The following STARD13 variants were observed in gnomAD, a reference collection of about 807,000 sequenced individuals.
STARD13 encodes stAR-related lipid transfer protein 13.
A neutral mutation model predicts 106.4 loss-of-function variants in STARD13; 62 were observed. The ratio of observed to expected loss-of-function variants is 0.58; its 90% CI spans 0.48 to 0.72. The LOEUF (loss-of-function observed/expected upper bound fraction) is 0.72. Among genes scored for constraint, STARD13 ranks in the 30% least tolerant of loss-of-function variants. The probability of loss-of-function intolerance (pLI) is 0.00; values close to 1 mark genes in which losing one functional copy is unlikely to be tolerated. For synonymous variants in STARD13, 565 were observed against 553.0 expected (o/e 1.02, Z -0.31); for missense variants, 1,387 against 1,424.0 (o/e 0.97, Z 0.42).
intron 1 of STARD13, among the ~76,000 whole-genome samples, chr13:33,176,567 G>A (rs568054327): frequency 6.6e-6 from 1 of 152,256 alleles, no homozygotes; most frequent in South Asian, 2.1e-4. Flanking sequence ...TTTATTTGCA[G>A]TTTGTTAATA....
At chr13:33,451,285 T>C in the STARD13 span, among the ~76,000 whole-genome samples, 1 of 152,196 alleles carries the variant, frequency 6.6e-6, no homozygotes, top group East Asian at 1.9e-4. Flanking sequence ...TACTTTACTA[T>C]GTTAATGAGT....
At chr13:33,253,927 TG>T (rs1230796792) in intron 1 of STARD13, among the ~76,000 whole-genome samples, 1 of 152,210 alleles carries the variant, frequency 6.6e-6, no homozygotes, top group African/African-American at 2.4e-5. Context: ...CCACAGACCA[TG>T]GGGGAACACC....
intron 8 of STARD13, 116 bp downstream of exon 8, chr13:33,117,949 T>C: frequency 1.3e-6 from 2 of 1,524,992 alleles, no homozygotes; most frequent in Non-Finnish European, 1.8e-6. Context: ...CAGGATTACA[T>C]ACATCTTTAT....
intron 1 of STARD13, among the ~76,000 whole-genome samples, chr13:33,207,244 T>G (rs2858126): frequency 0.26 from 39,931 of 152,070 alleles, 5,698 homozygotes; most frequent in Middle Eastern, 0.37. Context: ...GAATACGAAG[T>G]AAGCATAGGG....
chr13:33,341,067 A>T (rs1183261737), intron 1 of STARD13, among the ~76,000 whole-genome samples: 1 of 152,208 alleles, frequency 6.6e-6, no homozygotes, highest in African/African-American at 2.4e-5. Flanking sequence ...ACTCTGAAAA[A>T]AGCCCAGAAA....
Position 33,329,802 on chromosome 13 carries a change from C to T in STARD13, c.124+20488G>A, listed in dbSNP as rs577067341. ...CACTGCAACCTCCACCTCCCGGGTCCCAGTGATTCTCCTGCCTCAGCCTCC... is the reference window on the plus strand; with the variant it reads ...CACTGCAACCTCCACCTCCCGGGTCTCAGTGATTCTCCTGCCTCAGCCTCC... On this transcript the variant is annotated intron_variant, in intron 1 of 5. Transcript: ENST00000567873. 1.1e-3 allele frequency among the ~76,000 whole-genome samples: 162 copies of T among 151,864 alleles called. 1 individual carries two copies. The highest frequency in any genetic ancestry group is 3.8e-3 in the African/African-American group (157 of 41,402).
chr13:33,535,053 A>G, the STARD13 span, among the ~76,000 whole-genome samples: 1 of 152,074 alleles, frequency 6.6e-6, no homozygotes, highest in African/African-American at 2.4e-5. Context: ...CATCTCTATT[A>G]AAAATACAAA....
chr13:33,175,102 A>G (rs1460998258), intron 1 of STARD13, among the ~76,000 whole-genome samples: 2 of 152,218 alleles, frequency 1.3e-5, no homozygotes, highest in African/African-American at 4.8e-5. Flanking sequence ...TGAGAGAAAA[A>G]GAAAGCAGAA....
chr13:33,209,781 G>C (rs1256137899), intron 1 of STARD13, among the ~76,000 whole-genome samples: 2 of 151,746 alleles, frequency 1.3e-5, no homozygotes, highest in African/African-American at 4.8e-5. Flanking sequence ...GACCAACCTA[G>C]GCAACACAGA....
the STARD13 span, among the ~76,000 whole-genome samples, chr13:33,595,264 G>A: frequency 2.6e-5 from 4 of 152,058 alleles, no homozygotes; most frequent in Admixed American, 6.6e-5. Flanking sequence ...GTTGAAGTTT[G>A]GGCAAATAAA....
chr13:33,660,232 A>G, the STARD13 span, among the ~76,000 whole-genome samples: 1 of 152,234 alleles, frequency 6.6e-6, no homozygotes, highest in Middle Eastern at 3.4e-3. Context: ...TTTTTATGTC[A>G]ATGACAGTAA....
In STARD13 at chr13:33,307,645, G is replaced by A. The variant is rs185695687; in HGVS notation, c.124+42645C>T. On this transcript the variant is annotated intron_variant, in intron 1 of 5. Transcript: ENST00000567873. ...GACACAGGGAGGGAAACAACACACC[G>A]GGGCCTGTCAGGGAGTTGGGGAGAG... 3.5e-4 allele frequency among the ~76,000 whole-genome samples: 54 copies of A among 152,202 alleles called. 1 individual carries two copies. Among genetic ancestry groups the A allele is most frequent in the African/African-American group, 3.9e-4 (16 of 41,536 alleles).
At chr13:33,235,337 G>A (rs1353589643) in intron 1 of STARD13, among the ~76,000 whole-genome samples, 1 of 152,148 alleles carries the variant, frequency 6.6e-6, no homozygotes, top group Non-Finnish European at 1.5e-5. Context: ...ATAAAAAGCA[G>A]GTGCTATGTG....
At chr13:33,629,576 A>T in the STARD13 span, among the ~76,000 whole-genome samples, 1 of 152,272 alleles carries the variant, frequency 6.6e-6, no homozygotes, top group South Asian at 2.1e-4. Flanking sequence ...CATGTGTTCT[A>T]GAAAAAACAC....
chr13:33,144,360 A>G (rs1392033226), intron 3 of STARD13, among the ~76,000 whole-genome samples: 2 of 132,842 alleles, frequency 1.5e-5, no homozygotes, highest in African/African-American at 2.5e-5. Context: ...TTATACCTCT[A>G]TGATGTCTTT....
At chr13:33,532,166 AT>A in the STARD13 span, among the ~76,000 whole-genome samples, 1 of 152,174 alleles carries the variant, frequency 6.6e-6, no homozygotes, top group South Asian at 2.1e-4. Context: ...TCTCATAGTC[AT>A]TGTGCCCTTT....
chr13:33,258,145 T>C (rs1218815853), intron 1 of STARD13, among the ~76,000 whole-genome samples: 1 of 152,228 alleles, frequency 6.6e-6, no homozygotes, highest in Non-Finnish European at 1.5e-5. Flanking sequence ...GCAAATCTCC[T>C]TCTAGCTACA....
chr13:33,323,610 C>T (rs185150405), intron 1 of STARD13, among the ~76,000 whole-genome samples: 2 of 152,344 alleles, frequency 1.3e-5, no homozygotes, highest in East Asian at 3.9e-4. Context: ...CTTAGCTTCT[C>T]ATTTTACTAC....
the STARD13 span, among the ~76,000 whole-genome samples, chr13:33,476,077 T>C: frequency 6.6e-6 from 1 of 152,224 alleles, no homozygotes; most frequent in Admixed American, 6.5e-5. Flanking sequence ...TCTTTTCCTT[T>C]AGGTAATGAG....
Sources: allele counts gnomAD v4.1 joint callset (sites outside exome capture counted in the v4.1 genomes callset), GRCh38; gene constraint gnomAD v4.1.1; transcripts MANE v1.5; gene names NCBI Gene and HGNC (gene_info 2026-07-23, HGNC 2026-07-21).